Variants in XPOT observed in about 807,000 individuals in gnomAD.
XPOT encodes exportin for tRNA.
XPOT carries 34 observed loss-of-function variants against 128.2 expected under a neutral mutation model. The observed-to-expected ratio is 0.27, with a 90% CI of 0.20 to 0.35. The LOEUF (loss-of-function observed/expected upper bound fraction) is 0.35. Ranked by LOEUF, XPOT falls within the 10% of genes least tolerant of loss-of-function variation. The pLI is 1.00. For missense variants in XPOT, 838 were observed against 1,125.3 expected (o/e 0.74, Z 3.65); for synonymous variants, 348 against 394.3 (o/e 0.88, Z 1.39).
chr12:64,446,470 G>T (rs2040368251), intron 24 of XPOT, among the ~76,000 whole-genome samples: 3 of 152,090 alleles, frequency 2.0e-5, no homozygotes, highest in African/African-American at 7.2e-5. Flanking sequence ...TGTCTCTGCT[G>T]CTCTGGTGTA....
intron 14 of XPOT, 162 bp downstream of exon 14, chr12:64,425,619 A>G (rs986424922): frequency 1.9e-6 from 2 of 1,030,740 alleles, no homozygotes; most frequent in Admixed American, 4.9e-5. Flanking sequence ...TTAAATGGAT[A>G]GTTTGTGCCC....
chr12:64,446,623 A>ATT (rs144576382), intron 24 of XPOT, among the ~76,000 whole-genome samples: 38 of 143,284 alleles, frequency 2.7e-4, no homozygotes, highest in East Asian at 1.8e-3. Context: ...TTGGCACTTA[A>ATT]TTTTTTTTTT....
At chr12:64,415,460 C>T (rs1166258245) in intron 3 of XPOT, among the ~76,000 whole-genome samples, 10 of 151,976 alleles carry the variant, frequency 6.6e-5, no homozygotes, top group South Asian at 2.1e-4. Context: ...CTGCAAGCTT[C>T]GCCTCCTGGG....
chr12:64,419,215 T>G, intron 6 of XPOT, 121 bp downstream of exon 6: 1 of 727,412 alleles, frequency 1.4e-6, no homozygotes, highest in African/African-American at 1.8e-5. Context: ...GTTATATAAT[T>G]ATAAATTTAC....
chr12:64,436,176 C>G (rs936987756), intron 22 of XPOT, among the ~76,000 whole-genome samples: 1 of 150,908 alleles, frequency 6.6e-6, no homozygotes, highest in Non-Finnish European at 1.5e-5. Flanking sequence ...AGGGTGGTCT[C>G]GAACTCCTAA....
At chr12:64,428,958 T>C (rs2040214999) in intron 16 of XPOT, among the ~76,000 whole-genome samples, 1 of 152,202 alleles carries the variant, frequency 6.6e-6, no homozygotes, top group Non-Finnish European at 1.5e-5. Context: ...TGTGTGCCAC[T>C]CTGCTTTATA....
Position 64,433,446 on chromosome 12 carries a change from C to T in XPOT, c.2295C>T (p.Phe765=). ...IQVSPFLQQM[F]MPLLHAIFEV... The stretch of plus-strand genomic sequence containing the variant: ...TATCCCCGTTTTTACAACAGATGTT[C>T]ATGCCCCTGCTTCATGCAATTTTTG... Residue 765 remains phenylalanine (F), a synonymous_variant, in exon 19 of 25, where the codon TTC becomes TTT. Coordinates refer to ENST00000332707, the MANE Select transcript of XPOT (RefSeq NM_007235.6). 1 of 1,582,884 alleles carries T rather than the reference C, an allele frequency of 6.3e-7. No individual in the cohort carries two copies. Among genetic ancestry groups the T allele is most frequent in the Non-Finnish European group, 8.6e-7 (1 of 1,160,952 alleles).
At chr12:64,425,246 C>A in intron 13 of XPOT, 64 bp downstream of exon 13, 1 of 1,608,552 alleles carries the variant, frequency 6.2e-7, no homozygotes, top group South Asian at 1.1e-5. Flanking sequence ...AATGGGAGTT[C>A]CTTAATTGTT....
At chr12:64,437,668 C>T (rs974932679) in intron 22 of XPOT, among the ~76,000 whole-genome samples, 2 of 152,100 alleles carry the variant, frequency 1.3e-5, no homozygotes, top group African/African-American at 2.4e-5. Flanking sequence ...GGAAAGTGTT[C>T]GGAACAATGG....
In XPOT at chr12:64,420,248, A is replaced by G. The variant is rs1400355718; in HGVS notation, c.668A>G (p.Asn223Ser). 1.9e-6 allele frequency: 3 copies of G among 1,594,486 alleles called. No individual in the cohort carries two copies. Among genetic ancestry groups the G allele is most frequent in the Admixed American group, 1.8e-5 (1 of 55,378 alleles). ...VSWIDLSLIA[N>S]DRFINMLLGH... ...TGGATAGACTTATCCCTTATAGCCA[A>G]TGATAGGTAAGTATGCCTATTATTT... Residue 223 changes from asparagine (N) to serine (S), a missense_variant, in exon 7 of 25, where the codon AAT becomes AGT. Transcript: ENST00000332707.
At chr12:64,415,394 A>T (rs1248020178) in intron 3 of XPOT, among the ~76,000 whole-genome samples, 1 of 151,714 alleles carries the variant, frequency 6.6e-6, no homozygotes, top group Non-Finnish European at 1.5e-5. Flanking sequence ...TATTTTCTTG[A>T]GATGGAGTCT....
At chr12:64,419,420 C>T (rs1430658151) in intron 6 of XPOT, among the ~76,000 whole-genome samples, 9 of 152,148 alleles carry the variant, frequency 5.9e-5, no homozygotes, top group Admixed American at 4.6e-4. Flanking sequence ...TGGGTTCAAG[C>T]GATTCTCCCA....
Position 64,414,975 on chromosome 12 carries a change from C to T in XPOT, c.129C>T (p.Ala43=). Residue 43 remains alanine (A), a synonymous_variant, in exon 3 of 25, where the codon GCC becomes GCT. Transcript: ENST00000332707. ...GGCAGGTGTGTGCAGAAGCTCTAGC[C>T]CAGAGGACATACAGGTAATTAAAAA... ...DAWQVCAEAL[A]QRTYSDDHVK... is the part of the protein sequence containing the mutation. The T allele has an allele frequency of 6.2e-7, 1 of 1,611,584 alleles. No homozygotes were observed. The highest frequency in any genetic ancestry group is 8.5e-7 in the Non-Finnish European group (1 of 1,178,158).
intron 18 of XPOT, 105 bp from the exon 19 acceptor site, chr12:64,433,309 G>A (rs939906576): frequency 1.6e-5 from 16 of 1,025,638 alleles, no homozygotes; most frequent in East Asian, 1.1e-4. Context: ...AATTATGTAC[G>A]CATGCATCCT....
chr12:64,450,931 A>T lies in XPOT; in HGVS notation c.*2800A>T, dbSNP rs964018550. 1 of 152,250 alleles carries T rather than the reference A, an allele frequency of 6.6e-6. No homozygotes were observed. The highest frequency in any genetic ancestry group is 2.4e-5 in the African/African-American group (1 of 41,464). 9.4% of individuals were successfully genotyped at this position (152,250 alleles called of 1,614,324 possible). The stretch of plus-strand genomic sequence containing the variant: ...ACATGTGAATGAAGGCCTGTGGCTC[A>T]GTTAATCACTCCCACAACTTTGAGC... On this transcript the variant is annotated 3_prime_UTR_variant, in exon 25 of 25. Transcript: ENST00000332707.
At chr12:64,422,669 CGGG>C (rs2040149784) in intron 9 of XPOT, among the ~76,000 whole-genome samples, 4 of 151,972 alleles carry the variant, frequency 2.6e-5, no homozygotes, top group Non-Finnish European at 5.9e-5. Flanking sequence ...AAGGCTGAGG[CGGG>C]AGGATTGTTT....
Position 64,409,969 on chromosome 12 carries a change from TA to T in XPOT, c.-64del. The T allele has an allele frequency of 7.4e-7, 1 of 1,357,650 alleles. No individual in the cohort carries two copies. The highest frequency in any genetic ancestry group is 1.0e-6 in the Non-Finnish European group (1 of 957,424). 84.1% of individuals were successfully genotyped at this position (1,357,650 alleles called of 1,614,324 possible). A position where few individuals can be genotyped will look rare whatever the true frequency, so the allele number is the denominator to read the frequency against. On this transcript the variant is annotated 5_prime_UTR_variant, in exon 2 of 25. It removes the in-frame stop codon of an upstream open reading frame in the 5' UTR. Coordinates refer to ENST00000332707, the MANE Select transcript of XPOT (RefSeq NM_007235.6). ...CTTTGTTTTTTGTGGCAGATGTTTA[TA>T]AATTCTTCTGTGGGATCAGAGGGCA...
chr12:64,438,058 G>C (rs142769929), intron 22 of XPOT, among the ~76,000 whole-genome samples: 19 of 152,248 alleles, frequency 1.2e-4, no homozygotes, highest in Middle Eastern at 3.4e-3. Context: ...ACAGTCTCAA[G>C]AGAGGAGATT....
At chr12:64,430,417 C>A in intron 17 of XPOT, 130 bp downstream of exon 17, 2 of 775,798 alleles carry the variant, frequency 2.6e-6, no homozygotes, top group Non-Finnish European at 4.0e-6. Flanking sequence ...CTTTGTCCTC[C>A]AAATCCAGTC....
Sources: gnomAD v4.1 joint callset for allele counts (sites outside exome capture counted in the v4.1 genomes callset) on GRCh38, gnomAD v4.1.1 for gene constraint, MANE v1.5 for transcripts, NCBI Gene and HGNC (gene_info 2026-07-23, HGNC 2026-07-21) for gene names.